The following KCNMA1 variants were observed in gnomAD, a reference collection of about 807,000 sequenced individuals.
The protein encoded by KCNMA1 is potassium calcium-activated channel subfamily M alpha 1, also known as Calcium-activated potassium channel subunit alpha-1.
A neutral mutation model predicts 140.0 loss-of-function variants in KCNMA1; 29 were observed. The ratio of observed to expected loss-of-function variants is 0.21; its 90% CI spans 0.15 to 0.28. The LOEUF (loss-of-function observed/expected upper bound fraction) is 0.28, where lower values mean the gene tolerates loss of function less well. Ranked by LOEUF, KCNMA1 falls within the 10% of genes least tolerant of loss-of-function variation. The pLI, the probability that KCNMA1 is intolerant of heterozygous loss-of-function variation, is 1.00. For synonymous variants in KCNMA1, 612 were observed against 611.9 expected, an observed-to-expected ratio of 1.00 and a Z score of 0.00; for missense variants, 880 against 1,602.2, an observed-to-expected ratio of 0.55 and a Z score of 7.70.
intron 15 of KCNMA1, among the ~76,000 whole-genome samples, chr10:77,028,106 A>T (rs80068633): frequency 2.6e-5 from 4 of 152,158 alleles, no homozygotes; most frequent in Non-Finnish European, 5.9e-5. Context: ...CTGGATGCTC[A>T]AAGTGCAAAT....
At chr10:77,051,507 G>A (rs1332268095) in intron 14 of KCNMA1, among the ~76,000 whole-genome samples, 1 of 152,220 alleles carries the variant, frequency 6.6e-6, no homozygotes, top group Non-Finnish European at 1.5e-5. Flanking sequence ...CAGGAAGTTA[G>A]AAGCGATTTC....
At chr10:77,511,867 G>T (rs2048537801) in intron 1 of KCNMA1, among the ~76,000 whole-genome samples, 1 of 152,142 alleles carries the variant, frequency 6.6e-6, no homozygotes, top group African/African-American at 2.4e-5. Flanking sequence ...GAAATATGTT[G>T]CCTGAGAGAC....
intron 19 of KCNMA1, among the ~76,000 whole-genome samples, chr10:76,981,464 A>G (rs543884690): frequency 2.0e-5 from 3 of 152,312 alleles, no homozygotes; most frequent in East Asian, 3.9e-4. Context: ...CCTCTAAATT[A>G]CAGGAAATTC....
At chr10:77,225,762 G>A (rs900159270) in intron 3 of KCNMA1, among the ~76,000 whole-genome samples, 3 of 152,216 alleles carry the variant, frequency 2.0e-5, no homozygotes, top group African/African-American at 7.2e-5. Flanking sequence ...AGGGGCCATG[G>A]AGGCCACATG....
chr10:77,535,571 C>T (rs2058709034), intron 1 of KCNMA1, among the ~76,000 whole-genome samples: 1 of 152,198 alleles, frequency 6.6e-6, no homozygotes, highest in South Asian at 2.1e-4. Context: ...AGCAATCACA[C>T]AGAAGAGATC....
intron 23 of KCNMA1, among the ~76,000 whole-genome samples, chr10:76,920,957 A>G (rs1268313646): frequency 1.3e-5 from 2 of 152,232 alleles, no homozygotes; most frequent in African/African-American, 4.8e-5. Context: ...GCTTTATTAC[A>G]GTACTTTTCC....
chr10:77,036,338 C>T (rs1308053242), intron 15 of KCNMA1, among the ~76,000 whole-genome samples: 1 of 152,172 alleles, frequency 6.6e-6, no homozygotes, highest in Non-Finnish European at 1.5e-5. Flanking sequence ...CCTTCCTGTT[C>T]TCTTGGGAAA....
intron 18 of KCNMA1, among the ~76,000 whole-genome samples, chr10:77,004,204 C>G (rs192341860): frequency 5.7e-5 from 8 of 141,316 alleles, no homozygotes; most frequent in Non-Finnish European, 6.1e-5. Context: ...AAAAGACAAA[C>G]AAGTGCCACC....
chr10:77,627,298 A>T (rs928281221), intron 1 of KCNMA1, among the ~76,000 whole-genome samples: 1 of 152,164 alleles, frequency 6.6e-6, no homozygotes, highest in Admixed American at 6.5e-5. Context: ...AGGGCCCCCA[A>T]ATTACAACCC....
chr10:77,558,929 A>C (rs2065428852), intron 1 of KCNMA1, among the ~76,000 whole-genome samples: 1 of 152,184 alleles, frequency 6.6e-6, no homozygotes, highest in Admixed American at 6.5e-5. Flanking sequence ...GTGGTCACCG[A>C]CTATACACCT....
intron 3 of KCNMA1, among the ~76,000 whole-genome samples, chr10:77,235,612 T>A (rs2055162217): frequency 6.6e-6 from 1 of 152,206 alleles, no homozygotes; most frequent in Non-Finnish European, 1.5e-5. Flanking sequence ...GCTAACAGGT[T>A]ATTCAGCCCG....
intron 1 of KCNMA1, chr10:77,636,126 C>G (rs2093696426): frequency 9.4e-7 from 1 of 1,063,774 alleles, no homozygotes; most frequent in African/African-American, 1.6e-5. Context: ...ATTTCCCTTC[C>G]CTCCAAAACG....
chr10:76,913,166 G>A (rs2051076021), intron 24 of KCNMA1: 1 of 152,182 alleles, frequency 6.6e-6, no homozygotes, highest in Non-Finnish European at 1.5e-5. Context: ...TCATGTGAAG[G>A]CAGGTGCTCC....
intron 2 of KCNMA1, among the ~76,000 whole-genome samples, chr10:77,334,036 T>C (rs1331220932): frequency 2.0e-5 from 3 of 152,214 alleles, no homozygotes; most frequent in Non-Finnish European, 4.4e-5. Flanking sequence ...TTGTTCACCT[T>C]CTTCACATGC....
At chr10:77,402,102 C>A (rs1213241520) in intron 2 of KCNMA1, among the ~76,000 whole-genome samples, 1 of 152,328 alleles carries the variant, frequency 6.6e-6, no homozygotes, top group Admixed American at 6.5e-5. Context: ...CTGCTGCTCC[C>A]CATTCACTAT....
intron 1 of KCNMA1, among the ~76,000 whole-genome samples, chr10:77,545,665 G>A (rs2061308166): frequency 6.6e-6 from 1 of 152,210 alleles, no homozygotes; most frequent in Non-Finnish European, 1.5e-5. Context: ...CTTCCTGGCA[G>A]GGTCATGTTC....
At chr10:77,156,767 T>C (rs2098489402) in intron 5 of KCNMA1, among the ~76,000 whole-genome samples, 1 of 152,208 alleles carries the variant, frequency 6.6e-6, no homozygotes, top group Non-Finnish European at 1.5e-5. Flanking sequence ...TTCAGACTTC[T>C]GGCATTTCTG....
At chr10:77,272,983 G>A (rs1395198074) in intron 2 of KCNMA1, among the ~76,000 whole-genome samples, 4 of 152,072 alleles carry the variant, frequency 2.6e-5, no homozygotes, top group African/African-American at 9.7e-5. Context: ...TATTATAAGC[G>A]CCAGAGAAGA....
chr10:77,451,537 G>A (rs750492314), intron 1 of KCNMA1, among the ~76,000 whole-genome samples: 3 of 152,212 alleles, frequency 2.0e-5, no homozygotes, highest in Non-Finnish European at 2.9e-5. Flanking sequence ...TGAATACAGG[G>A]CAATTGAAGT....
Sources: gnomAD v4.1 joint callset for allele counts (sites outside exome capture counted in the v4.1 genomes callset) on GRCh38, gnomAD v4.1.1 for gene constraint, MANE v1.5 for transcripts, NCBI Gene and HGNC (gene_info 2026-07-23, HGNC 2026-07-21) for gene names.